Variants in MYBPC1 observed in about 807,000 individuals in gnomAD.
MYBPC1 encodes the protein myosin-binding protein C, slow-type.
Under a neutral mutation model 147.1 loss-of-function variants are expected in MYBPC1, and 52 were observed. The ratio of observed to expected loss-of-function variants is 0.35; its 90% CI spans 0.28 to 0.45. The LOEUF (loss-of-function observed/expected upper bound fraction) is 0.45, where lower values mean the gene tolerates loss of function less well. MYBPC1 is among the 20% of genes least tolerant of loss of function. The pLI is 1.00. For missense variants in MYBPC1, 1,228 were observed against 1,440.3 expected (o/e 0.85, Z 2.39); for synonymous variants, 477 against 475.9 (o/e 1.00, Z -0.03).
chr12:101,612,975 A>G (rs976321136), intron 1 of MYBPC1, among the ~76,000 whole-genome samples: 50 of 152,318 alleles, frequency 3.3e-4, no homozygotes, highest in African/African-American at 1.2e-3. Context: ...GTATCTGCAA[A>G]TTACATCACA....
chr12:101,629,404 A>G, intron 5 of MYBPC1, 30 bp from the exon 6 acceptor site: 1 of 1,473,548 alleles, frequency 6.8e-7, no homozygotes, highest in South Asian at 1.1e-5. Flanking sequence ...TGGCCCTGAA[A>G]TAATCCTTTT....
At chr12:101,685,528 G>A (rs933161182) in intron 31 of MYBPC1, 54 bp from the exon 32 acceptor site, 4 of 1,256,884 alleles carry the variant, frequency 3.2e-6, no homozygotes, top group Admixed American at 4.0e-5. Flanking sequence ...TTGTTTCAGC[G>A]ATTTTTCAGG....
chr12:101,689,986 C>A (rs1011247293), downstream of MYBPC1, among the ~76,000 whole-genome samples: 4 of 152,172 alleles, frequency 2.6e-5, no homozygotes, highest in Admixed American at 2.6e-4. Flanking sequence ...ACCAGCCTGG[C>A]CAACATGGCG....
At chr12:101,625,016 A>G (rs1364319373) in intron 3 of MYBPC1, among the ~76,000 whole-genome samples, 3 of 151,650 alleles carry the variant, frequency 2.0e-5, no homozygotes, top group Non-Finnish European at 4.4e-5. Flanking sequence ...GTAAGGTACT[A>G]AATTGATAAA....
At chr12:101,678,609 G>A (rs1198687651) in intron 28 of MYBPC1, among the ~76,000 whole-genome samples, 5 of 152,174 alleles carry the variant, frequency 3.3e-5, no homozygotes, top group African/African-American at 7.2e-5. Context: ...ATAGGTTAAA[G>A]TAAACAACAA....
chr12:101,644,107 G>A (rs1892597830), intron 11 of MYBPC1, among the ~76,000 whole-genome samples: 1 of 152,148 alleles, frequency 6.6e-6, no homozygotes, highest in Non-Finnish European at 1.5e-5. Flanking sequence ...CATGATCTCA[G>A]CTCACTGCAA....
At chr12:101,650,464 C>CACAT (rs10642122) in intron 15 of MYBPC1, among the ~76,000 whole-genome samples, 53,077 of 151,744 alleles carry the variant, frequency 0.35, 10,820 homozygotes, top group African/African-American at 0.57. Flanking sequence ...TGTCCTTCTT[C>CACAT]ACATGGTGGC....
chr12:101,631,818 C>T, intron 7 of MYBPC1, 99 bp downstream of exon 7: 1 of 1,551,342 alleles, frequency 6.4e-7, no homozygotes, highest in Non-Finnish European at 8.9e-7. Context: ...ACTTCAGTTC[C>T]AGAAAATCCT....
chr12:101,611,480 A>C (rs1167098072), intron 1 of MYBPC1, among the ~76,000 whole-genome samples: 4 of 152,238 alleles, frequency 2.6e-5, no homozygotes, highest in African/African-American at 9.6e-5. Flanking sequence ...TTACCCTTAA[A>C]AAATGGGAAT....
At chr12:101,675,526 A>G (rs1594057687) in intron 26 of MYBPC1, 95 bp downstream of exon 26, 3 of 1,548,794 alleles carry the variant, frequency 1.9e-6, no homozygotes, top group Non-Finnish European at 2.7e-6. Flanking sequence ...TAAGGAGCCA[A>G]CTGGGGCTAT....
At chr12:101,675,172 G>T in intron 25 of MYBPC1, 120 bp from the exon 26 acceptor site, 1 of 1,359,530 alleles carries the variant, frequency 7.4e-7, no homozygotes, top group Non-Finnish European at 1.0e-6. Context: ...CCATGGTAGG[G>T]TCTAGAAGAG....
intron 10 of MYBPC1, 106 bp from the exon 11 acceptor site, chr12:101,642,313 C>T: frequency 8.1e-7 from 1 of 1,229,006 alleles, no homozygotes; most frequent in Non-Finnish European, 1.2e-6. Flanking sequence ...AGGCTTTAAA[C>T]AGAGCTTTTT....
At chr12:101,606,589 C>T (rs1228951855) in intron 1 of MYBPC1, among the ~76,000 whole-genome samples, 1 of 151,644 alleles carries the variant, frequency 6.6e-6, no homozygotes, top group Non-Finnish European at 1.5e-5. Context: ...CAGGCTTGAG[C>T]CACCATGCCC....
intron 28 of MYBPC1, 46 bp downstream of exon 28, chr12:101,678,284 T>G (rs1900456034): frequency 5.0e-6 from 8 of 1,606,664 alleles, no homozygotes; most frequent in Non-Finnish European, 6.8e-6. Context: ...TGTCTTGTAT[T>G]TGTTGTGTTA....
rs1894403604 is a variant in MYBPC1, at chr12:101,651,380, G to A, written c.1513G>A (p.Val505Ile). ...PVQESDRLKV[V>I]HKGRIHKLVI... ...TCAGGAGAGTGACCGTCTAAAGGTGGTTCACAAGGGAAGGTAAGCGAGCCA... is the reference window on the plus strand; with the variant it reads ...TCAGGAGAGTGACCGTCTAAAGGTGATTCACAAGGGAAGGTAAGCGAGCCA... Residue 505 changes from valine (V) to isoleucine (I), a missense_variant, in exon 16 of 32, where the codon GTT becomes ATT. Val to Ile is a conservative substitution (Grantham distance 29, BLOSUM62 3). Transcript: ENST00000361466. The A allele has an allele frequency of 6.2e-7, 1 of 1,613,998 alleles. No individual in the cohort carries two copies. Among genetic ancestry groups the A allele is most frequent in the East Asian group, 2.2e-5 (1 of 44,890 alleles).
At chr12:101,626,420 T>C (rs1888630851) in intron 3 of MYBPC1, among the ~76,000 whole-genome samples, 1 of 152,206 alleles carries the variant, frequency 6.6e-6, no homozygotes, top group African/African-American at 2.4e-5. Flanking sequence ...ATCATGAGGT[T>C]TTCTGGGTAG....
At chr12:101,687,521 C>G (rs76064243), downstream of MYBPC1, among the ~76,000 whole-genome samples, 2,814 of 152,296 alleles carry the variant, frequency 0.018, 92 homozygotes, top group African/African-American at 0.064. Flanking sequence ...CCGCAATAAA[C>G]ATACGTGGTA....
In MYBPC1 at chr12:101,652,693, G is replaced by T. The variant is rs1289315756; in HGVS notation, c.1542G>T (p.Val514=). ...GTTTCCTTAGGATCCACAAGTTAGT[G>T]ATAGCCAATGCCCTCACTGAAGATG... ...VVHKGRIHKL[V]IANALTEDEG... The change falls in exon 17 of 32, where the codon GTG becomes GTT. Residue 514 remains valine, a synonymous_variant. Coordinates refer to ENST00000361466, the MANE Select transcript of MYBPC1 (RefSeq NM_002465.4). 1.9e-6 allele frequency: 3 copies of T among 1,612,924 alleles called. No individual in the cohort carries two copies. Among genetic ancestry groups the T allele is most frequent in the African/African-American group, 1.3e-5 (1 of 74,894 alleles).
chr12:101,673,519 C>T lies in MYBPC1; in HGVS notation c.2706C>T (p.Ile902=). The change falls in exon 25 of 32, where the codon ATC becomes ATT. Residue 902 remains isoleucine (I), a synonymous_variant. Coordinates refer to ENST00000361466, the MANE Select transcript of MYBPC1 (RefSeq NM_002465.4). ...INIRNSETDT[I]IFIRKAERSH... is the part of the protein sequence containing the mutation. ...TTCGCAACTCTGAGACTGATACAAT[C>T]ATATTTATTAGAAAAGCAGAGAGGA... is the stretch of plus-strand genomic sequence containing the variant. The T allele has an allele frequency of 6.2e-7, 1 of 1,614,030 alleles. No homozygotes were observed. Among genetic ancestry groups the T allele is most frequent in the Non-Finnish European group, 8.5e-7 (1 of 1,179,944 alleles).
Sources: allele counts gnomAD v4.1 joint callset (sites outside exome capture counted in the v4.1 genomes callset), GRCh38; gene constraint gnomAD v4.1.1; transcripts MANE v1.5; gene names NCBI Gene and HGNC (gene_info 2026-07-23, HGNC 2026-07-21).